Variants in PDE4D observed in about 807,000 individuals in gnomAD.
PDE4D encodes 3',5'-cyclic-AMP phosphodiesterase 4D.
Under a neutral mutation model 87.4 loss-of-function variants are expected in PDE4D, and 24 were observed. That is an observed-to-expected ratio of 0.27 (90% CI 0.20 to 0.39). The LOEUF is 0.39. PDE4D is among the 10% of genes least tolerant of loss of function. The pLI is 1.00. For missense variants in PDE4D, 714 were observed against 1,041.0 expected (o/e 0.69, Z 4.32); for synonymous variants, 384 against 383.2 (o/e 1.00, Z -0.02).
At chr5:59,515,848 G>A (rs1811059997) in intron 1 of PDE4D, among the ~76,000 whole-genome samples, 1 of 152,166 alleles carries the variant, frequency 6.6e-6, no homozygotes, top group African/African-American at 2.4e-5. Context: ...CTGTACTGAT[G>A]CGTGTCAAAG....
chr5:60,289,054 C>T (rs1415675234), intron 1 of PDE4D, among the ~76,000 whole-genome samples: 1 of 152,108 alleles, frequency 6.6e-6, no homozygotes, highest in Non-Finnish European at 1.5e-5. Context: ...TAAAATCTTC[C>T]CCGTCTCACA....
intron 2 of PDE4D, among the ~76,000 whole-genome samples, chr5:60,026,552 T>G (rs1766643670): frequency 6.6e-6 from 1 of 152,170 alleles, no homozygotes; most frequent in Non-Finnish European, 1.5e-5. Context: ...ATTAGCTGTC[T>G]TTAACTCAGT....
chr5:59,123,339 T>C (rs1326849702), intron 5 of PDE4D, among the ~76,000 whole-genome samples: 1 of 152,246 alleles, frequency 6.6e-6, no homozygotes, highest in Non-Finnish European at 1.5e-5. Context: ...TTTAATTTTC[T>C]ATCAGCAGAC....
chr5:60,125,207 T>C (rs1479186810), intron 2 of PDE4D, among the ~76,000 whole-genome samples: 1 of 152,208 alleles, frequency 6.6e-6, no homozygotes, highest in Non-Finnish European at 1.5e-5. Flanking sequence ...AAATTTAACA[T>C]GAAAATCTTG....
rs374975451 is a variant in PDE4D, at chr5:59,959,016, C to T, written c.272+29472G>A. Among the ~76,000 whole-genome samples, 100 of 152,022 alleles carry T rather than the reference C, an allele frequency of 6.6e-4. 2 individuals carry two copies. Among genetic ancestry groups the T allele is most frequent in the African/African-American group, 2.2e-3 (92 of 41,482 alleles). On this transcript the variant is annotated intron_variant, in intron 3 of 16. Transcript: ENST00000502484. ...AGTTTCAGGATACAAAATGAATGTA[C>T]GAAAATCAGTAGCATTTCTATATAC...
intron 1 of PDE4D, among the ~76,000 whole-genome samples, chr5:59,386,289 A>C (rs1177199856): frequency 6.6e-6 from 1 of 152,202 alleles, no homozygotes; most frequent in African/African-American, 2.4e-5. Flanking sequence ...AGTTTTTGAG[A>C]TGTTAAGAGT....
At chr5:59,604,319 T>C (rs1827901574) in intron 1 of PDE4D, among the ~76,000 whole-genome samples, 1 of 152,046 alleles carries the variant, frequency 6.6e-6, no homozygotes, top group South Asian at 2.1e-4. Context: ...GATTAAATCA[T>C]GTAGCACATG....
At chr5:59,077,475 C>CTTTTT (rs33910828) in intron 5 of PDE4D, among the ~76,000 whole-genome samples, 2 of 130,976 alleles carry the variant, frequency 1.5e-5, no homozygotes, top group African/African-American at 2.8e-5. Context: ...TTTTTTTCTT[C>CTTTTT]TTTTTTTTTT....
chr5:59,260,736 A>C (rs1258504379), intron 1 of PDE4D, among the ~76,000 whole-genome samples: 2 of 151,768 alleles, frequency 1.3e-5, no homozygotes, highest in African/African-American at 4.8e-5. Flanking sequence ...ACAAAGCTTC[A>C]AAAAAGCTAA....
intron 6 of PDE4D, chr5:58,999,743 TA>T (rs1482162919): frequency 9.5e-7 from 1 of 1,049,006 alleles, no homozygotes; most frequent in African/African-American, 1.7e-5. Context: ...ATGCCATTTG[TA>T]AGACTCCAGA....
chr5:60,512,831 C>T (rs1017828487), intron 1 of PDE4D, among the ~76,000 whole-genome samples: 3 of 151,968 alleles, frequency 2.0e-5, no homozygotes, highest in Non-Finnish European at 4.4e-5. Flanking sequence ...ACAGAAAAAA[C>T]GAGGAGTCAA....
intron 1 of PDE4D, among the ~76,000 whole-genome samples, chr5:59,533,112 A>G (rs543462345): frequency 1.7e-4 from 26 of 152,360 alleles, no homozygotes; most frequent in East Asian, 5.8e-4. Context: ...CTGTCTTCAT[A>G]TAACTTAAGT....
intron 1 of PDE4D, among the ~76,000 whole-genome samples, chr5:59,742,124 C>T (rs1259537936): frequency 1.3e-5 from 2 of 152,148 alleles, no homozygotes; most frequent in East Asian, 1.9e-4. Flanking sequence ...AGTGCAATGG[C>T]GCAGTCTCGG....
chr5:60,429,853 T>C, intron 1 of PDE4D: 2 of 344,208 alleles, frequency 5.8e-6, no homozygotes, highest in South Asian at 4.7e-5. Flanking sequence ...TTTTTGTTTT[T>C]TTTTTTAAAC....
chr5:60,500,453 T>A (rs143700980), intron 1 of PDE4D, among the ~76,000 whole-genome samples: 22 of 152,204 alleles, frequency 1.4e-4, no homozygotes, highest in African/African-American at 4.8e-4. Context: ...TTCCATAGAT[T>A]GTCCAAAATG....
chr5:59,164,466 TCTTA>T (rs954213460), intron 5 of PDE4D, among the ~76,000 whole-genome samples: 1 of 152,196 alleles, frequency 6.6e-6, no homozygotes, highest in Non-Finnish European at 1.5e-5. Context: ...TTCATTTAAT[TCTTA>T]CTTAATGCTC....
At chr5:60,079,141 C>T (rs1177859738) in intron 2 of PDE4D, among the ~76,000 whole-genome samples, 1 of 152,104 alleles carries the variant, frequency 6.6e-6, no homozygotes, top group African/African-American at 2.4e-5. Context: ...TGATCCATGA[C>T]ATTGAGCTTT....
At position 60,127,526 on chromosome 5, in the gene PDE4D, T is replaced by C. The variant is rs994532551; in HGVS notation, c.42+58031A>G. The C allele has an allele frequency of 3.3e-4, 142 of 435,440 alleles. 1 individual carries two copies. The highest frequency in any genetic ancestry group is 8.2e-5 in the Non-Finnish European group (20 of 245,126). 27.0% of individuals were successfully genotyped at this position (435,440 alleles called of 1,614,324 possible). A position where few individuals can be genotyped will look rare whatever the true frequency, so the allele number is the denominator to read the frequency against. ...CCCGGGAAAGATGAAGAGAGAGGGA[T>C]AGATGCAGCGCATAACTGGAAGGTG... On this transcript the variant is annotated intron_variant, in intron 2 of 16. Coordinates refer to the PDE4D transcript ENST00000502484.
intron 1 of PDE4D, among the ~76,000 whole-genome samples, chr5:59,401,953 G>T (rs536509156): frequency 6.6e-6 from 1 of 152,178 alleles, no homozygotes. Context: ...AAACTGAGGT[G>T]CCCTCACAAC....
Sources: gnomAD v4.1 joint callset for allele counts (sites outside exome capture counted in the v4.1 genomes callset) on GRCh38, gnomAD v4.1.1 for gene constraint, MANE v1.5 for transcripts, NCBI Gene and HGNC (gene_info 2026-07-23, HGNC 2026-07-21) for gene names.